Variants in SCFD2 observed in about 807,000 individuals in gnomAD.
SCFD2 encodes sec1 family domain containing 2, also known as sec1 family domain-containing protein 2.
A neutral mutation model predicts 58.9 loss-of-function variants in SCFD2; 54 were observed. The observed-to-expected ratio is 0.92, with a 90% CI of 0.74 to 1.15. SCFD2 has a LOEUF of 1.15. SCFD2 is among the 50% of genes most tolerant of loss of function. SCFD2 has a pLI of 0.00. For synonymous variants in SCFD2, 321 were observed against 335.9 expected (o/e 0.96, Z 0.49); for missense variants, 805 against 836.6 (o/e 0.96, Z 0.47).
chr4:53,298,319 G>T (rs140336354), intron 3 of SCFD2, among the ~76,000 whole-genome samples: 1 of 152,160 alleles, frequency 6.6e-6, no homozygotes, highest in African/African-American at 2.4e-5. Flanking sequence ...GGCTCAGAGG[G>T]TCCTATACCC....
chr4:53,201,279 G>A (rs1349121844), intron 4 of SCFD2, among the ~76,000 whole-genome samples: 2 of 151,740 alleles, frequency 1.3e-5, no homozygotes, highest in African/African-American at 2.4e-5. Flanking sequence ...GAGGTGTTTG[G>A]TTTTTTCTCC....
At chr4:53,237,353 G>A (rs1729661492) in intron 4 of SCFD2, among the ~76,000 whole-genome samples, 1 of 151,806 alleles carries the variant, frequency 6.6e-6, no homozygotes, top group Non-Finnish European at 1.5e-5. Context: ...TGAGCTGTTG[G>A]CTACACCTCC....
Position 53,352,717 on chromosome 4 carries a change from T to G in SCFD2, c.888A>C (p.Ala296=), listed in dbSNP as rs148659222. 8 of 1,613,962 alleles carry G rather than the reference T, an allele frequency of 5.0e-6. No homozygotes were observed. The African/African-American group carries it at 9.3e-5, about 19-fold the overall frequency. ...TTGTGTGGCCTGGGAGCTGGGGAAG[T>G]GCTGAAATGATCTTCTCTACTAAGT... ...GDNLVEKIIS[A]LPQLPGHTND... is the part of the protein sequence containing the mutation. Residue 296 remains alanine (A), a synonymous_variant, in exon 2 of 9, where the codon GCA becomes GCC. Transcript: ENST00000401642.
intron 5 of SCFD2, among the ~76,000 whole-genome samples, chr4:53,094,861 GC>G (rs1724572734): frequency 6.6e-6 from 1 of 151,974 alleles, no homozygotes; most frequent in African/African-American, 2.4e-5. Flanking sequence ...TTCCAACAAA[GC>G]TTTTGCCCCC....
intron 5 of SCFD2, among the ~76,000 whole-genome samples, chr4:53,054,308 T>A (rs538120942): frequency 1.3e-5 from 2 of 152,338 alleles, no homozygotes; most frequent in African/African-American, 4.8e-5. Context: ...ATATGTCTTA[T>A]AATTTATGAC....
chr4:53,082,113 G>C (rs1391356750), intron 5 of SCFD2, among the ~76,000 whole-genome samples: 1 of 152,078 alleles, frequency 6.6e-6, no homozygotes, highest in Non-Finnish European at 1.5e-5. Context: ...GAACATCTGG[G>C]TTGTTTCTAT....
At chr4:52,987,187 C>T (rs1412370310) in intron 5 of SCFD2, among the ~76,000 whole-genome samples, 1 of 152,110 alleles carries the variant, frequency 6.6e-6, no homozygotes. Flanking sequence ...GGCCACTGCG[C>T]CCAGCTAATT....
At chr4:53,268,473 G>A (rs1320074980) in intron 4 of SCFD2, among the ~76,000 whole-genome samples, 1 of 152,142 alleles carries the variant, frequency 6.6e-6, no homozygotes, top group African/African-American at 2.4e-5. Flanking sequence ...CCAGGTGGAG[G>A]TTGAGTGACA....
chr4:53,208,518 A>G (rs1728507848), intron 4 of SCFD2, among the ~76,000 whole-genome samples: 1 of 152,164 alleles, frequency 6.6e-6, no homozygotes, highest in African/African-American at 2.4e-5. Flanking sequence ...TAGTTCAGCA[A>G]AGCTAGGTCC....
chr4:52,879,192 T>C (rs1283890238), intron 8 of SCFD2, among the ~76,000 whole-genome samples: 1 of 152,148 alleles, frequency 6.6e-6, no homozygotes, highest in Admixed American at 6.5e-5. Context: ...TCCAGGACAC[T>C]CAAGAGCACC....
At chr4:53,098,094 G>A (rs1050741007) in intron 5 of SCFD2, among the ~76,000 whole-genome samples, 2 of 152,170 alleles carry the variant, frequency 1.3e-5, no homozygotes, top group African/African-American at 4.8e-5. Flanking sequence ...TAAGCTTTTT[G>A]ATGTGCTGCT....
At chr4:52,971,448 A>T (rs1355757222) in intron 5 of SCFD2, among the ~76,000 whole-genome samples, 1 of 152,226 alleles carries the variant, frequency 6.6e-6, no homozygotes, top group Non-Finnish European at 1.5e-5. Context: ...AAATGAAGCG[A>T]GAAGAGAAGA....
At chr4:52,992,041 A>G (rs145583413) in intron 5 of SCFD2, among the ~76,000 whole-genome samples, 3 of 151,136 alleles carry the variant, frequency 2.0e-5, no homozygotes, top group African/African-American at 7.3e-5. Flanking sequence ...CTCTCCCCGC[A>G]GTCTCCCTCT....
chr4:52,916,399 G>A (rs1221863235), intron 6 of SCFD2, among the ~76,000 whole-genome samples: 1 of 152,206 alleles, frequency 6.6e-6, no homozygotes, highest in Non-Finnish European at 1.5e-5. Flanking sequence ...GCGAAACCCT[G>A]TCTCTACTAA....
At chr4:53,177,793 C>T (rs955527027) in intron 4 of SCFD2, among the ~76,000 whole-genome samples, 14 of 152,200 alleles carry the variant, frequency 9.2e-5, no homozygotes, top group African/African-American at 3.1e-4. Context: ...AAAAGCAGGT[C>T]ACTCCCACCC....
chr4:53,201,744 G>C (rs1728247075), intron 4 of SCFD2, among the ~76,000 whole-genome samples: 1 of 152,142 alleles, frequency 6.6e-6, no homozygotes, highest in East Asian at 1.9e-4. Flanking sequence ...GTATCTCATT[G>C]TGGTTTTGAT....
At chr4:53,329,720 C>A (rs1248478502) in intron 2 of SCFD2, among the ~76,000 whole-genome samples, 1 of 152,100 alleles carries the variant, frequency 6.6e-6, no homozygotes, top group East Asian at 1.9e-4. Flanking sequence ...AGTTCCTCAC[C>A]AGCAACGGAA....
chr4:53,190,978 C>G (rs1384825119), intron 4 of SCFD2, among the ~76,000 whole-genome samples: 1 of 152,098 alleles, frequency 6.6e-6, no homozygotes, highest in Non-Finnish European at 1.5e-5. Flanking sequence ...AATGTGTTAT[C>G]ACAAAAAACT....
intron 5 of SCFD2, chr4:52,948,312 C>T (rs907469858): frequency 6.6e-5 from 19 of 287,936 alleles, no homozygotes; most frequent in African/African-American, 2.7e-4. Flanking sequence ...CTCTGACAAA[C>T]ATCCATGAGC....
Sources: allele counts gnomAD v4.1 joint callset (sites outside exome capture counted in the v4.1 genomes callset), GRCh38; gene constraint gnomAD v4.1.1; transcripts MANE v1.5; gene names NCBI Gene and HGNC (gene_info 2026-07-23, HGNC 2026-07-21).